Variants in FAM120C observed in about 807,000 individuals in gnomAD.
FAM120C encodes the protein family with sequence similarity 120 member C.
In FAM120C, 14 loss-of-function variants were observed where a neutral mutation model predicts 71.2. The ratio of observed to expected loss-of-function variants is 0.20; its 90% CI spans 0.13 to 0.31. FAM120C has a LOEUF of 0.31. Ranked by LOEUF, FAM120C falls within the 10% of genes least tolerant of loss-of-function variation. The pLI, the probability that FAM120C is intolerant of heterozygous loss-of-function variation, is 1.00. For synonymous variants in FAM120C, 354 were observed against 353.2 expected (o/e 1.00, Z -0.03); for missense variants, 500 against 879.0 (o/e 0.57, Z 5.45).
intron 9 of FAM120C, among the ~76,000 whole-genome samples, chrX:54,118,662 A>G (rs1603356179): frequency 3.4e-5 from 2 of 59,350 alleles, no homozygotes; most frequent in African/African-American, 1.3e-4. Flanking sequence ...ATGTAGTGAT[A>G]TTTCATTGTG....
At chrX:54,160,800 T>C (rs1005299143) in intron 1 of FAM120C, among the ~76,000 whole-genome samples, 8 of 111,280 alleles carry the variant, frequency 7.2e-5, no homozygotes, top group Admixed American at 1.9e-4. Flanking sequence ...ATTTTACACA[T>C]TGTTAGCCCC....
At chrX:54,167,290 T>C (rs1250451892) in intron 1 of FAM120C, among the ~76,000 whole-genome samples, 2 of 112,069 alleles carry the variant, frequency 1.8e-5, no homozygotes, top group Non-Finnish European at 3.8e-5. Context: ...TTATCATCAC[T>C]GTTACCACCT....
chrX:54,084,884 G>A (rs1390665436), intron 13 of FAM120C, among the ~76,000 whole-genome samples: 9 of 111,592 alleles, frequency 8.1e-5, no homozygotes, highest in African/African-American at 2.9e-4. Flanking sequence ...GTGTGTGTAT[G>A]TTTTCCTCAC....
intron 15 of FAM120C, among the ~76,000 whole-genome samples, chrX:54,074,108 G>T (rs1270270249): frequency 8.9e-6 from 1 of 111,846 alleles, no homozygotes; most frequent in Non-Finnish European, 1.9e-5. Context: ...TTATGGGTGT[G>T]AGCCACCGCA....
At chrX:54,168,318 TAG>T (rs2067270794) in intron 1 of FAM120C, among the ~76,000 whole-genome samples, 1 of 110,709 alleles carries the variant, frequency 9.0e-6, no homozygotes, top group Non-Finnish European at 1.9e-5. Context: ...TGATTTTGTG[TAG>T]AGACAGGTCT....
intron 4 of FAM120C, 104 bp from the exon 5 acceptor site, chrX:54,136,694 T>A: frequency 1.7e-6 from 1 of 596,087 alleles, no homozygotes; most frequent in Non-Finnish European, 2.6e-6. Flanking sequence ...ATCAAATATT[T>A]AAAGAAACCT....
chrX:54,087,648 C>A (rs2066801646), intron 12 of FAM120C, 107 bp downstream of exon 12: 6 of 753,332 alleles, frequency 8.0e-6, no homozygotes, highest in Non-Finnish European at 1.2e-5. Flanking sequence ...ACACATTCTC[C>A]TGCTTCCGCC....
chrX:54,154,061 C>T (rs1424647107), intron 3 of FAM120C, among the ~76,000 whole-genome samples: 2 of 106,488 alleles, frequency 1.9e-5, no homozygotes, highest in East Asian at 3.0e-4. Context: ...TTAAAAGGGT[C>T]GCTCTCCTGT....
In FAM120C at chrX:54,132,774, A is replaced by G. The variant is rs1557129614; in HGVS notation, c.1980T>C (p.Tyr660=). Residue 660 remains tyrosine (Y), a synonymous_variant, in exon 9 of 16, where the codon TAT becomes TAC. Transcript: ENST00000375180. ...CCAGACTAAAAAGAACTCCATATACATATTGACGAGCTGACCGGAATAAGA... is the reference window on the plus strand; with the variant it reads ...CCAGACTAAAAAGAACTCCATATACGTATTGACGAGCTGACCGGAATAAGA... ...AALLFRSARQ[Y]VYGVLFSLAE... is the part of the protein sequence containing the mutation. The G allele has an allele frequency of 4.1e-6, 5 of 1,207,939 alleles. No homozygotes were observed. The highest frequency in any genetic ancestry group is 5.6e-6 in the Non-Finnish European group (5 of 894,165).
At chrX:54,114,931 C>CT (rs1386253392) in intron 10 of FAM120C, among the ~76,000 whole-genome samples, 1 of 107,119 alleles carries the variant, frequency 9.3e-6, no homozygotes, top group African/African-American at 3.4e-5. Flanking sequence ...AATTTTTTTT[C>CT]TTTTTTTTGT....
chrX:54,100,681 C>T (rs1260635473), intron 10 of FAM120C, among the ~76,000 whole-genome samples: 3 of 111,581 alleles, frequency 2.7e-5, no homozygotes, highest in Non-Finnish European at 5.7e-5. Context: ...ACAAAAAACA[C>T]ACACATACAC....
At chrX:54,086,072 G>A (rs2146561107) in intron 12 of FAM120C, among the ~76,000 whole-genome samples, 156 bp from the exon 13 acceptor site, 1 of 111,629 alleles carries the variant, frequency 9.0e-6, no homozygotes, top group South Asian at 3.7e-4. Flanking sequence ...TACACACTCA[G>A]GAAGCCTGTC....
chrX:54,145,511 C>A (rs1184933859), intron 4 of FAM120C, among the ~76,000 whole-genome samples: 1 of 112,200 alleles, frequency 8.9e-6, no homozygotes, highest in Admixed American at 9.5e-5. Flanking sequence ...TGAAAAGACA[C>A]TTCTCAAAAT....
At chrX:54,102,969 C>T (rs912010039) in intron 10 of FAM120C, among the ~76,000 whole-genome samples, 8 of 110,469 alleles carry the variant, frequency 7.2e-5, no homozygotes, top group Admixed American at 2.9e-4. Context: ...CTGCCTGCCT[C>T]GGCCTCCCAA....
At chrX:54,151,432 A>G in intron 3 of FAM120C, 59 bp from the exon 4 acceptor site, 1 of 1,100,088 alleles carries the variant, frequency 9.1e-7, no homozygotes, top group Non-Finnish European at 1.2e-6. Context: ...TAAGAAAAAG[A>G]GTGAAGTTGA....
At chrX:54,146,306 TA>T (rs782359996) in intron 4 of FAM120C, among the ~76,000 whole-genome samples, 1 of 109,548 alleles carries the variant, frequency 9.1e-6, no homozygotes, top group East Asian at 2.9e-4. Context: ...TAAAGTATAA[TA>T]AAAAAATAAA....
chrX:54,070,467 G>C lies in FAM120C; in HGVS notation c.*2566C>G, dbSNP rs1221335514. 1 of 112,378 alleles carries C rather than the reference G, an allele frequency of 8.9e-6. No individual in the cohort carries two copies. The highest frequency in any genetic ancestry group is 1.9e-5 in the Non-Finnish European group (1 of 53,315). 9.3% of individuals were successfully genotyped at this position (112,378 alleles called of 1,213,427 possible). A position where few individuals can be genotyped will look rare whatever the true frequency, so the allele number is the denominator to read the frequency against. ...GTGTCAGATAGATTCAAGATGCACA[G>C]AAATAGCAACTGCAAAAAATATCTT... is the stretch of plus-strand genomic sequence containing the variant. On this transcript the variant is annotated 3_prime_UTR_variant, in exon 16 of 16. Transcript: ENST00000375180.
At chrX:54,094,113 C>T (rs1364079375) in intron 10 of FAM120C, among the ~76,000 whole-genome samples, 1 of 69,940 alleles carries the variant, frequency 1.4e-5, no homozygotes, top group Non-Finnish European at 2.5e-5. Context: ...TTTTCTGAGA[C>T]GGAGTCTCGC....
At chrX:54,161,712 A>G (rs1435189047) in intron 1 of FAM120C, among the ~76,000 whole-genome samples, 1 of 112,127 alleles carries the variant, frequency 8.9e-6, no homozygotes, top group African/African-American at 3.2e-5. Flanking sequence ...GTTCAGTGCA[A>G]CCTCCATGTC....
Sources: gnomAD v4.1 joint callset for allele counts (sites outside exome capture counted in the v4.1 genomes callset) on GRCh38, gnomAD v4.1.1 for gene constraint, MANE v1.5 for transcripts, NCBI Gene and HGNC (gene_info 2026-07-23, HGNC 2026-07-21) for gene names.